NDOR1: variants seen among roughly 807,000 people sequenced by gnomAD.
NDOR1 encodes the protein NADPH-dependent diflavin oxidoreductase 1.
A neutral mutation model predicts 67.2 loss-of-function variants in NDOR1; 61 were observed. The observed-to-expected ratio is 0.91, with a 90% confidence interval of 0.74 to 1.12. The LOEUF (loss-of-function observed/expected upper bound fraction) is 1.12. NDOR1 is among the 50% of genes most tolerant of loss of function. The pLI is 0.00. For missense variants in NDOR1, 878 were observed against 802.8 expected, an observed-to-expected ratio of 1.09 and a Z score of -1.13; for synonymous variants, 378 against 343.7, an observed-to-expected ratio of 1.10 and a Z score of -1.10.
rs1835619866 is a variant in NDOR1, at chr9:137,216,591, T to C, written c.*175T>C. ...TCCTGTTGACCCTGGATCCCACCCT[T>C]TGAGCCTGACCCCACTGCAGCCTCT... is the stretch of plus-strand genomic sequence containing the variant. On this transcript the variant is annotated 3_prime_UTR_variant, in exon 14 of 14. Coordinates refer to ENST00000684003, the MANE Select transcript of NDOR1 (RefSeq NM_014434.4). 1 of 847,278 alleles carries C rather than the reference T, an allele frequency of 1.2e-6. No individual in the cohort carries two copies. The highest frequency in any genetic ancestry group is 1.8e-6 in the Non-Finnish European group (1 of 563,670). The allele number at this position is 847,278 out of a possible 1,614,324, so 52.5% of individuals were successfully genotyped here.
chr9:137,211,274 C>A (rs558253018), intron 2 of NDOR1, among the ~76,000 whole-genome samples: 1 of 152,306 alleles, frequency 6.6e-6, no homozygotes, highest in South Asian at 2.1e-4. Context: ...GGAAGTTATC[C>A]AGGAAAGTAA....
At position 137,214,020 on chromosome 9, in the gene NDOR1, G is replaced by A; in HGVS notation, c.464G>A (p.Gly155Glu). 1 of 1,549,094 alleles carries A rather than the reference G, an allele frequency of 6.5e-7. No individual in the cohort carries two copies. Among genetic ancestry groups the A allele is most frequent in the Non-Finnish European group, 8.7e-7 (1 of 1,149,138 alleles). Reference protein sequence around the residue: ...WLRDLWDRVLGLYPPPPGLTE... With the variant: ...WLRDLWDRVLELYPPPPGLTE... ...CGAGACTTGTGGGACAGGGTTCTGG[G>A]GCTGTACCCGCCGCCTCCGGGCCTC... Residue 155 changes from glycine to glutamate, a missense_variant, in exon 5 of 14, where the codon GGG (glycine) becomes GAG (glutamate). Coordinates refer to ENST00000684003, the MANE Select transcript of NDOR1 (RefSeq NM_014434.4).
chr9:137,215,253 C>T (rs1178937818), intron 9 of NDOR1, 51 bp downstream of exon 9: 5 of 1,579,840 alleles, frequency 3.2e-6, no homozygotes, highest in South Asian at 2.2e-5. Context: ...AAAGCTGGGA[C>T]CGGGGCTGTG....
chr9:137,217,043 C>T lies in NDOR1; in HGVS notation c.*627C>T, dbSNP rs1835645082. Reference sequence around the variant, plus strand: ...GCAGGCTTCCTTCCTTCCTCTAGCTCCTCCCGGTGCCCTGGGTGCTGGGTG... The same window carrying T: ...GCAGGCTTCCTTCCTTCCTCTAGCTTCTCCCGGTGCCCTGGGTGCTGGGTG... On this transcript the variant is annotated 3_prime_UTR_variant, in exon 14 of 14. Transcript: ENST00000684003. 1 of 180,048 alleles carries T rather than the reference C, an allele frequency of 5.6e-6. No individual in the cohort carries two copies. 11.2% of individuals were successfully genotyped at this position (180,048 alleles called of 1,614,324 possible).
At chr9:137,207,625 C>T (rs1177384179) in intron 2 of NDOR1, among the ~76,000 whole-genome samples, 1 of 152,112 alleles carries the variant, frequency 6.6e-6, no homozygotes, top group Non-Finnish European at 1.5e-5. Flanking sequence ...GAGGGTGCAG[C>T]ACCCCAAGGA....
intron 3 of NDOR1, among the ~76,000 whole-genome samples, chr9:137,213,205 C>T (rs935696760): frequency 1.3e-5 from 2 of 152,312 alleles, no homozygotes; most frequent in East Asian, 1.9e-4. Context: ...TTGTTCCGTG[C>T]GTGACGTAGG....
rs566904031 is a variant in NDOR1 at position 137,214,508 on chromosome 9, A to C, written c.723-62A>C. 10 of 1,609,216 alleles carry C rather than the reference A, an allele frequency of 6.2e-6. No individual in the cohort carries two copies. In the East Asian group the frequency reaches 1.8e-4, roughly 29 times the overall value. On this transcript the variant is annotated intron_variant, in intron 6 of 13. Transcript: ENST00000684003. The stretch of plus-strand genomic sequence containing the variant: ...GGCCGGGCTGCAGGGGATGACTTCT[A>C]TCCGGGGCCCCGACATCCTCCCTGC...
chr9:137,214,834 C>G lies in NDOR1; in HGVS notation c.881C>G (p.Ser294Cys), dbSNP rs918529958. 10 of 1,608,286 alleles carry G rather than the reference C, an allele frequency of 6.2e-6. No individual in the cohort carries two copies. Among genetic ancestry groups the G allele is most frequent in the Non-Finnish European group, 8.5e-6 (10 of 1,179,992 alleles). Residue 294 changes from serine to cysteine, a missense_variant, in exon 8 of 14, where the codon TCC (serine) becomes TGC (cysteine). Coordinates refer to ENST00000684003, the MANE Select transcript of NDOR1 (RefSeq NM_014434.4). The part of the protein sequence containing the change: ...SSPTRLPQPC[S>C]MRHLVSHYLD... The stretch of plus-strand genomic sequence containing the variant: ...CCCACGAGGCTGCCCCAGCCCTGCT[C>G]CATGCGGCACCTCGTGTCCCACTAC...
chr9:137,218,564 G>C lies in NDOR1; in HGVS notation c.*2148G>C. The C allele has an allele frequency of 2.5e-6, 1 of 399,284 alleles. No homozygotes were observed. Among genetic ancestry groups the C allele is most frequent in the East Asian group, 3.6e-5 (1 of 28,106 alleles). 24.7% of individuals were successfully genotyped at this position (399,284 alleles called of 1,614,324 possible). A position where few individuals can be genotyped will look rare whatever the true frequency, so the allele number is the denominator to read the frequency against. ...GGTCTTCACGCCGCTCCTGCTGCTG[G>C]GACTGCTCTTCGTGCTCCTGGACCG... On this transcript the variant is annotated 3_prime_UTR_variant, in exon 14 of 14. Coordinates refer to ENST00000684003, the MANE Select transcript of NDOR1 (RefSeq NM_014434.4).
At position 137,209,029 on chromosome 9, in the gene NDOR1, G is replaced by A. The variant is rs781238555; in HGVS notation, c.213+2720G>A. On this transcript the variant is annotated intron_variant, in intron 2 of 13. Coordinates refer to ENST00000684003, the MANE Select transcript of NDOR1 (RefSeq NM_014434.4). ...CCAAGTAGATGGGACTACAGGCGCC[G>A]CCACCACGCCCAGCTAATTTTTTGT... Among the ~76,000 whole-genome samples, 6 of 151,888 alleles carry A rather than the reference G, an allele frequency of 4.0e-5. 1 individual carries two copies. Among genetic ancestry groups the A allele is most frequent in the Non-Finnish European group, 5.9e-5 (4 of 67,952 alleles).
At position 137,215,910 on chromosome 9, in the gene NDOR1, T is replaced by G. The variant is rs1345058372; in HGVS notation, c.1447T>G (p.Phe483Val). The G allele has an allele frequency of 2.5e-6, 4 of 1,613,520 alleles. No homozygotes were observed. The highest frequency in any genetic ancestry group is 3.3e-5 in the Admixed American group (2 of 60,030). The change falls in exon 12 of 14, where the codon TTT becomes GTT. Residue 483 changes from phenylalanine (F) to valine (V), a missense_variant. Phe to Val is a conservative substitution (Grantham distance 50, BLOSUM62 -1). Transcript: ENST00000684003. ...VAQGQTGNFL[F>V]FGCRWRDQDF... is the part of the protein sequence containing the mutation. ...CTGTATTTCCCTAGGAAACTTCTTG[T>G]TTTTTGGCTGCCGCTGGCGGGACCA...
chr9:137,214,539 C>T (rs746556804), intron 6 of NDOR1, 31 bp from the exon 7 acceptor site: 1 of 1,610,466 alleles, frequency 6.2e-7, no homozygotes, highest in Non-Finnish European at 8.5e-7. Context: ...CCTGCGGCGT[C>T]CCCACAGCCC....
In NDOR1 at chr9:137,214,233, T is replaced by A; in HGVS notation, c.542T>A (p.Leu181His). Residue 181 changes from leucine (L) to histidine (H), a missense_variant, in exon 6 of 14, where the codon CTC becomes CAC. Coordinates refer to ENST00000684003, the MANE Select transcript of NDOR1 (RefSeq NM_014434.4). ...CCCTCCAAGTTCACCCTGCTGTTCC[T>A]CCAAGAGGCACCCAGCACGGGCTCT... ...PLPSKFTLLF[L>H]QEAPSTGSEG... 1 of 1,612,770 alleles carries A rather than the reference T, an allele frequency of 6.2e-7. No homozygotes were observed. Among genetic ancestry groups the A allele is most frequent in the Non-Finnish European group, 8.5e-7 (1 of 1,179,922 alleles).
Position 137,214,852 on chromosome 9 carries a change from C to T in NDOR1, c.899C>T (p.Ser300Phe). The stretch of plus-strand genomic sequence containing the variant: ...CCCTGCTCCATGCGGCACCTCGTGT[C>T]CCACTACCTGGACATCGCCAGCGTG... The part of the protein sequence containing the change: ...PQPCSMRHLV[S>F]HYLDIASVPR... The change falls in exon 8 of 14, where the codon TCC becomes TTC. Residue 300 changes from serine (S) to phenylalanine (F), a missense_variant. Ser to Phe is a radical substitution (Grantham distance 155). Coordinates refer to ENST00000684003, the MANE Select transcript of NDOR1 (RefSeq NM_014434.4). 1.2e-6 allele frequency: 2 copies of T among 1,609,830 alleles called. No individual in the cohort carries two copies. The highest frequency in any genetic ancestry group is 1.7e-6 in the Non-Finnish European group (2 of 1,180,016).
At position 137,212,017 on chromosome 9, in the gene NDOR1, G is replaced by A. The variant is rs371312795; in HGVS notation, c.214-485G>A. ...AGCGACACTGGAACCTCAGAGGGCCGAGTGTGAGAGCCCTTGGGATGGACC... is the reference window on the plus strand; with the variant it reads ...AGCGACACTGGAACCTCAGAGGGCCAAGTGTGAGAGCCCTTGGGATGGACC... On this transcript the variant is annotated intron_variant, in intron 2 of 13. Coordinates refer to ENST00000684003, the MANE Select transcript of NDOR1 (RefSeq NM_014434.4). The surrounding 1 kb of genome is among the most constrained non-coding windows in gnomAD (Gnocchi z 4.3). Among the ~76,000 whole-genome samples the A allele has an allele frequency of 1.1e-4, 17 of 152,166 alleles. No homozygotes were observed. Among genetic ancestry groups the A allele is most frequent in the African/African-American group, 3.4e-4 (14 of 41,442 alleles).
intron 2 of NDOR1, among the ~76,000 whole-genome samples, chr9:137,206,525 C>T (rs1197962975): frequency 6.6e-6 from 1 of 152,130 alleles, no homozygotes; most frequent in Non-Finnish European, 1.5e-5. Flanking sequence ...CCGTTTTAAC[C>T]TTTCTTATTT....
Position 137,205,828 on chromosome 9 carries a change from T to C in NDOR1, c.51T>C (p.Ala17=). 6.2e-7 allele frequency: 1 copy of C among 1,605,384 alleles called. No homozygotes were observed. Among genetic ancestry groups the C allele is most frequent in the Non-Finnish European group, 8.5e-7 (1 of 1,179,634 alleles). The change falls in exon 1 of 14, where the codon GCT becomes GCC. Residue 17 remains alanine, a synonymous_variant. Transcript: ENST00000684003. The part of the protein sequence containing the change: ...LVLFGSQTGT[A]QDVSERLGRE... ...TCTTCGGCAGCCAGACAGGCACGGC[T>C]CAGGATGTGTCGGAGAGACTGGGTC...
intron 4 of NDOR1, 38 bp downstream of exon 4, chr9:137,213,916 G>A: frequency 6.3e-7 from 1 of 1,595,714 alleles, no homozygotes; most frequent in Non-Finnish European, 8.5e-7. Flanking sequence ...CCACAGTCTG[G>A]TCTGGCCACA....
rs529133842 is a variant in NDOR1 at position 137,218,214 on chromosome 9, C to T, written c.*1798C>T. 6.0e-5 allele frequency: 24 copies of T among 398,418 alleles called. No homozygotes were observed. The highest frequency in any genetic ancestry group is 2.9e-4 in the African/African-American group (14 of 48,728). The allele number at this position is 398,418 out of a possible 1,614,324, so 24.7% of individuals were successfully genotyped here. On this transcript the variant is annotated 3_prime_UTR_variant, in exon 14 of 14. Transcript: ENST00000684003. ...GCCGACCTGGGCCGGGTGCGCTGCC[C>T]GCTGTGCCGCCAGAAGACGCCCGTG... is the stretch of plus-strand genomic sequence containing the variant.
Sources: allele counts gnomAD v4.1 joint callset (sites outside exome capture counted in the v4.1 genomes callset), GRCh38; gene constraint gnomAD v4.1.1; non-coding constraint Gnocchi (gnomAD v3.1); transcripts MANE v1.5; gene names NCBI Gene and HGNC (gene_info 2026-07-23, HGNC 2026-07-21).